The following BST1 variants were observed in gnomAD, a reference collection of about 807,000 sequenced individuals.
BST1 encodes bone marrow stromal cell antigen 1.
Under a neutral mutation model 40.6 loss-of-function variants are expected in BST1, and 49 were observed. The ratio of observed to expected loss-of-function variants is 1.21; its 90% CI spans 0.96 to 1.53. The LOEUF is 1.53. Ranked by LOEUF, BST1 falls within the 40% of genes most tolerant of loss-of-function variation. The pLI is 0.00. For missense variants in BST1, 423 were observed against 395.9 expected, an observed-to-expected ratio of 1.07 and a Z score of -0.58; for synonymous variants, 157 against 159.3, an observed-to-expected ratio of 0.99 and a Z score of 0.11.
At chr4:15,739,122 G>C (rs13148924), downstream of BST1, among the ~76,000 whole-genome samples, 6,472 of 152,302 alleles carry the variant, frequency 0.042, 223 homozygotes, top group Non-Finnish European at 0.065. Flanking sequence ...CCATGCTGGA[G>C]AACAGGGCAC....
the BST1 span, among the ~76,000 whole-genome samples, chr4:15,748,841 C>G: frequency 6.6e-6 from 1 of 152,218 alleles, no homozygotes; most frequent in Non-Finnish European, 1.5e-5. Context: ...TTTATGACAT[C>G]TCTCAGTTGC....
chr4:15,714,724 T>G (rs1011934315), intron 4 of BST1, among the ~76,000 whole-genome samples: 21 of 152,184 alleles, frequency 1.4e-4, no homozygotes, highest in African/African-American at 4.8e-4. Flanking sequence ...GAGCCCACGG[T>G]TTGCACTCCC....
At chr4:15,739,371 T>C (rs987566936), downstream of BST1, among the ~76,000 whole-genome samples, 4 of 152,228 alleles carry the variant, frequency 2.6e-5, no homozygotes, top group African/African-American at 9.6e-5. Flanking sequence ...TAGTTTTGTT[T>C]TTCCCCCTAA....
chr4:15,745,790 A>G, the BST1 span, among the ~76,000 whole-genome samples: 1 of 152,168 alleles, frequency 6.6e-6, no homozygotes, highest in African/African-American at 2.4e-5. Flanking sequence ...GCTCACTATA[A>G]TCTCAGTCCC....
At chr4:15,734,120 T>G (rs891695335), downstream of BST1, among the ~76,000 whole-genome samples, 2 of 152,208 alleles carry the variant, frequency 1.3e-5, no homozygotes, top group African/African-American at 4.8e-5. Context: ...TCTATTTATA[T>G]GACATCCTCG....
At chr4:15,745,959 A>G in the BST1 span, among the ~76,000 whole-genome samples, 1 of 152,240 alleles carries the variant, frequency 6.6e-6, no homozygotes, top group Non-Finnish European at 1.5e-5. Flanking sequence ...ACAAAGGTTA[A>G]GGTTCTTTTA....
downstream of BST1, chr4:15,732,925 G>C (rs1236575004): frequency 6.4e-6 from 1 of 155,868 alleles, no homozygotes; most frequent in Non-Finnish European, 1.4e-5. Context: ...TGTTCCTTCA[G>C]ATGTGTCTGG....
chr4:15,705,041 T>C (rs1035770825), intron 1 of BST1: 19 of 718,900 alleles, frequency 2.6e-5, no homozygotes, highest in African/African-American at 5.2e-5. Flanking sequence ...GGGCTTGCAC[T>C]GGAGGGTGCA....
the BST1 span, among the ~76,000 whole-genome samples, chr4:15,771,249 T>C: frequency 1.1e-4 from 16 of 152,202 alleles, 1 homozygote; most frequent in Non-Finnish European, 2.2e-4. Flanking sequence ...GAGTAGACAT[T>C]GCACTGCACC....
chr4:15,729,309 G>T (rs761958420), intron 8 of BST1, among the ~76,000 whole-genome samples: 2 of 151,966 alleles, frequency 1.3e-5, no homozygotes, highest in Non-Finnish European at 2.9e-5. Context: ...ACAAAAAATT[G>T]GCTGGGTATG....
downstream of BST1, among the ~76,000 whole-genome samples, chr4:15,734,227 A>G (rs1052485387): frequency 1.3e-5 from 2 of 152,210 alleles, no homozygotes; most frequent in African/African-American, 4.8e-5. Context: ...AGTGACACTG[A>G]GAAAAATTTT....
chr4:15,745,449 G>A, the BST1 span, among the ~76,000 whole-genome samples: 5 of 151,972 alleles, frequency 3.3e-5, no homozygotes, highest in African/African-American at 1.2e-4. Flanking sequence ...AGTGTTTCAC[G>A]TTTTCATTTT....
the BST1 span, among the ~76,000 whole-genome samples, chr4:15,754,731 T>G: frequency 6.6e-6 from 1 of 152,204 alleles, no homozygotes; most frequent in Non-Finnish European, 1.5e-5. Context: ...ATTTGGTGAT[T>G]TTTATGTTAT....
the BST1 span, among the ~76,000 whole-genome samples, chr4:15,751,365 G>A: frequency 6.6e-6 from 1 of 152,120 alleles, no homozygotes; most frequent in African/African-American, 2.4e-5. Flanking sequence ...ACCACCATGG[G>A]CCAATGACTA....
the BST1 span, among the ~76,000 whole-genome samples, chr4:15,743,791 TTG>T: frequency 6.6e-6 from 1 of 152,150 alleles, no homozygotes; most frequent in Non-Finnish European, 1.5e-5. Context: ...CTCTTTTCTG[TTG>T]GTGTGAGTCA....
At chr4:15,706,702 A>G (rs1166299418) in intron 2 of BST1, among the ~76,000 whole-genome samples, 1 of 152,242 alleles carries the variant, frequency 6.6e-6, no homozygotes, top group South Asian at 2.1e-4. Context: ...GACTGAAAAC[A>G]TGATTTTTGA....
downstream of BST1, among the ~76,000 whole-genome samples, chr4:15,733,131 G>A (rs10014661): frequency 0.028 from 4,276 of 152,262 alleles, 198 homozygotes; most frequent in African/African-American, 0.098. Flanking sequence ...CTGCTGGCTC[G>A]GTGGCCAGCT....
chr4:15,720,533 C>T (rs1269014338), intron 7 of BST1, among the ~76,000 whole-genome samples: 1 of 150,856 alleles, frequency 6.6e-6, no homozygotes, highest in East Asian at 1.9e-4. Context: ...AGGAGAATCA[C>T]TTGAGGCAGA....
At chr4:15,737,531 C>A (rs1414576600), downstream of BST1, among the ~76,000 whole-genome samples, 1 of 152,206 alleles carries the variant, frequency 6.6e-6, no homozygotes, top group African/African-American at 2.4e-5. Flanking sequence ...CTTCAACAAA[C>A]AGGTCCCAGC....
Sources: gnomAD v4.1 joint callset for allele counts (sites outside exome capture counted in the v4.1 genomes callset) on GRCh38, gnomAD v4.1.1 for gene constraint, MANE v1.5 for transcripts, NCBI Gene and HGNC (gene_info 2026-07-23, HGNC 2026-07-21) for gene names.